Variants in FYB1 observed in about 807,000 individuals in gnomAD.
The protein encoded by FYB1 is FYN binding protein 1.
Under a neutral mutation model 94.1 loss-of-function variants are expected in FYB1, and 41 were observed. That is an observed-to-expected ratio of 0.44 (90% CI 0.34 to 0.57). The LOEUF is 0.57. Ranked by LOEUF, FYB1 falls within the 20% of genes least tolerant of loss-of-function variation. FYB1 has a pLI of 0.02. For missense variants in FYB1, 1,050 were observed against 976.8 expected, an observed-to-expected ratio of 1.07 and a Z score of -1.00; for synonymous variants, 367 against 353.2, an observed-to-expected ratio of 1.04 and a Z score of -0.44.
chr5:39,175,618 G>A (rs1212555807), intron 2 of FYB1, among the ~76,000 whole-genome samples: 1 of 152,194 alleles, frequency 6.6e-6, no homozygotes, highest in Non-Finnish European at 1.5e-5. Flanking sequence ...TACATGCTGT[G>A]TGGAATGTTT....
chr5:39,236,065 T>G (rs1561297696), intron 1 of FYB1, among the ~76,000 whole-genome samples: 1 of 151,908 alleles, frequency 6.6e-6, no homozygotes. Context: ...CCCTATGATA[T>G]CTTTTAGTTT....
chr5:39,266,342 T>C (rs1752436430), intron 1 of FYB1, among the ~76,000 whole-genome samples: 1 of 152,160 alleles, frequency 6.6e-6, no homozygotes, highest in African/African-American at 2.4e-5. Context: ...AGGGTCAAGA[T>C]TCCACAGGGA....
intron 1 of FYB1, among the ~76,000 whole-genome samples, chr5:39,269,174 C>A (rs190398455): frequency 2.0e-5 from 3 of 152,144 alleles, no homozygotes; most frequent in African/African-American, 4.8e-5. Context: ...CTCGGCCTCC[C>A]GAGTGGCTGG....
At chr5:39,146,066 C>T (rs896355921) in intron 3 of FYB1, among the ~76,000 whole-genome samples, 1 of 152,014 alleles carries the variant, frequency 6.6e-6, no homozygotes, top group African/African-American at 2.4e-5. Context: ...AGATGCCTGC[C>T]ACCATGCCCG....
In FYB1 at chr5:39,240,434, G is replaced by T. The variant is rs553942794; in HGVS notation, c.-28+33969C>A. Among the ~76,000 whole-genome samples the T allele has an allele frequency of 2.1e-3, 324 of 152,204 alleles. 4 individuals are homozygous for T. The highest frequency in any genetic ancestry group is 3.4e-3 in the Middle Eastern group (1 of 294). On this transcript the variant is annotated intron_variant, in intron 1 of 1. Coordinates refer to the FYB1 transcript ENST00000510188. The stretch of plus-strand genomic sequence containing the variant: ...TTTGCAAACTATGCACCTGACAAAG[G>T]TCTAACATCAAGAATCTACAAGGAA...
At position 39,173,336 on chromosome 5, in the gene FYB1, T is replaced by C. The variant is rs189374154; in HGVS notation, c.1136-19732A>G. On this transcript the variant is annotated intron_variant, in intron 2 of 18. Transcript: ENST00000512982. ...ATTTAAGCTCCTTGTAGATTCTGGA[T>C]ATTAGACCTTTGTCAGATGCATAGT... Among the ~76,000 whole-genome samples the C allele has an allele frequency of 4.1e-4, 62 of 152,338 alleles. 1 individual carries two copies. Among genetic ancestry groups the C allele is most frequent in the Admixed American group, 2.5e-3 (38 of 15,298 alleles).
At chr5:39,122,467 A>G (rs1740215229) in intron 13 of FYB1, 65 bp from the exon 14 acceptor site, 5 of 942,676 alleles carry the variant, frequency 5.3e-6, no homozygotes, top group Non-Finnish European at 8.3e-6. Context: ...TGAGCATTCA[A>G]TGATGTTTTT....
intron 1 of FYB1, among the ~76,000 whole-genome samples, chr5:39,208,495 T>C (rs1749056468): frequency 6.6e-6 from 1 of 152,228 alleles, no homozygotes; most frequent in African/African-American, 2.4e-5. Context: ...AAGTCGTTTG[T>C]TACCCATGAC....
intron 1 of FYB1, among the ~76,000 whole-genome samples, chr5:39,215,999 A>G (rs560485638): frequency 1.9e-3 from 284 of 152,302 alleles, no homozygotes; most frequent in Middle Eastern, 3.4e-3. Context: ...CAAGAGAGGT[A>G]GAGGTTTTAG....
chr5:39,234,759 G>A (rs1750886096), intron 1 of FYB1, among the ~76,000 whole-genome samples: 1 of 152,054 alleles, frequency 6.6e-6, no homozygotes. Context: ...GGATGAAGCT[G>A]GAAACCATCA....
chr5:39,234,478 G>A (rs1158521176), intron 1 of FYB1, among the ~76,000 whole-genome samples: 1 of 152,192 alleles, frequency 6.6e-6, no homozygotes, highest in Non-Finnish European at 1.5e-5. Context: ...GTGGAAAACA[G>A]TGTGGCAATT....
At chr5:39,150,825 A>C (rs1312662749) in intron 3 of FYB1, among the ~76,000 whole-genome samples, 1 of 152,202 alleles carries the variant, frequency 6.6e-6, no homozygotes, top group Non-Finnish European at 1.5e-5. Flanking sequence ...GATATCTAAC[A>C]GATTTCCCTG....
rs1738710434 is a variant in FYB1, at chr5:39,108,250, G to T, written c.2448C>A (p.Ile816=). 1.3e-6 allele frequency: 2 copies of T among 1,528,040 alleles called. No homozygotes were observed. The highest frequency in any genetic ancestry group is 1.4e-5 in the African/African-American group (1 of 72,498). The allele number at this position is 1,528,040 out of a possible 1,614,324, so 94.7% of individuals were successfully genotyped here. A position where few individuals can be genotyped will look rare whatever the true frequency, so the allele number is the denominator to read the frequency against. Residue 816 remains isoleucine, a synonymous_variant, in exon 18 of 19, where the codon ATC becomes ATA. Coordinates refer to ENST00000512982, the MANE Select transcript of FYB1 (RefSeq NM_001465.6). ...RSYLADNDGE[I]YDDIADGCIY... is the part of the protein sequence containing the mutation. ...ACTTACCATCAGCAATATCATCATA[G>T]ATCTCTCCATCACTGTAAATGTAAA... is the stretch of plus-strand genomic sequence containing the variant.
rs4957132 is a variant in FYB1, at chr5:39,125,697, G to C, written c.2045+301C>G. On this transcript the variant is annotated intron_variant, in intron 12 of 18. Transcript: ENST00000512982. ...GTCAGTGTTTGTGTATGACTGTGTG[G>C]ATGAGCGTGAGAGGGTATGTGTGCA... Among the ~76,000 whole-genome samples, 64,939 of 151,910 alleles carry C rather than the reference G, an allele frequency of 0.43. 16,744 individuals are homozygous for C. The highest frequency in any genetic ancestry group is 0.72 in the African/African-American group (30,019 of 41,434).
chr5:39,144,527 C>T (rs562827108), intron 3 of FYB1, among the ~76,000 whole-genome samples: 2 of 152,122 alleles, frequency 1.3e-5, no homozygotes, highest in African/African-American at 4.8e-5. Flanking sequence ...ACAGGCTGGG[C>T]GCAGTGGCTC....
chr5:39,146,298 C>T (rs980811148), intron 3 of FYB1, among the ~76,000 whole-genome samples: 2 of 152,270 alleles, frequency 1.3e-5, no homozygotes, highest in South Asian at 2.1e-4. Context: ...TGCATTGCTT[C>T]TCTGCATCAT....
At chr5:39,203,910 G>C (rs574882043) in intron 1 of FYB1, among the ~76,000 whole-genome samples, 1 of 152,082 alleles carries the variant, frequency 6.6e-6, no homozygotes, top group Non-Finnish European at 1.5e-5. Context: ...AAAGTTAATG[G>C]TGTGTTTGCT....
chr5:39,172,210 C>T (rs540429185), intron 2 of FYB1, among the ~76,000 whole-genome samples: 2 of 152,240 alleles, frequency 1.3e-5, no homozygotes, highest in Admixed American at 6.5e-5. Flanking sequence ...CTTTGGGAGG[C>T]CGAGGCAGGT....
chr5:39,157,818 G>A (rs545686812), intron 2 of FYB1, among the ~76,000 whole-genome samples: 22 of 152,298 alleles, frequency 1.4e-4, no homozygotes, highest in Non-Finnish European at 2.8e-4. Flanking sequence ...GCAGGGGTAT[G>A]GATCCCTGTA....
Sources: gnomAD v4.1 joint callset for allele counts (sites outside exome capture counted in the v4.1 genomes callset) on GRCh38, gnomAD v4.1.1 for gene constraint, MANE v1.5 for transcripts, NCBI Gene and HGNC (gene_info 2026-07-23, HGNC 2026-07-21) for gene names.